Variants in SLC9A4 observed in about 807,000 individuals in gnomAD.
SLC9A4 encodes sodium/hydrogen exchanger 4.
A neutral mutation model predicts 67.4 loss-of-function variants in SLC9A4; 63 were observed. The observed-to-expected ratio is 0.93, with a 90% CI of 0.76 to 1.15. SLC9A4 has a LOEUF of 1.15. Among genes scored for constraint, SLC9A4 ranks in the 50% most tolerant of loss-of-function variants. The pLI is 0.00. For synonymous variants in SLC9A4, 393 were observed against 367.2 expected (o/e 1.07, Z -0.80); for missense variants, 1,089 against 987.7 (o/e 1.10, Z -1.38).
At position 102,478,871 on chromosome 2, in the gene SLC9A4, A is replaced by G. The variant is rs1225545868; in HGVS notation, c.289A>G (p.Met97Val). ...FHLYHRLPGL[M>V]PESCLLILVG... ...CCTCTACCACAGGCTGCCAGGCCTCATGCCAGAAAGCTGCCTCCTCATCCT... is the reference window on the plus strand; with the variant it reads ...CCTCTACCACAGGCTGCCAGGCCTCGTGCCAGAAAGCTGCCTCCTCATCCT... Residue 97 changes from methionine to valine, a missense_variant, in exon 2 of 12, where the codon ATG (methionine) becomes GTG (valine). Physicochemically the swap from Met to Val is conservative, Grantham distance 21. Transcript: ENST00000295269. 6 of 1,614,036 alleles carry G rather than the reference A, an allele frequency of 3.7e-6. No homozygotes were observed. Among genetic ancestry groups the G allele is most frequent in the Non-Finnish European group, 4.2e-6 (5 of 1,180,016 alleles).
At chr2:102,530,493 C>T (rs766857605) in intron 11 of SLC9A4, among the ~76,000 whole-genome samples, 8 of 152,170 alleles carry the variant, frequency 5.3e-5, no homozygotes, top group South Asian at 4.1e-4. Context: ...AGCTCTCAGC[C>T]GAGTGAAACT....
intron 2 of SLC9A4, among the ~76,000 whole-genome samples, chr2:102,480,772 T>G (rs374149203): frequency 4.6e-5 from 7 of 152,118 alleles, no homozygotes; most frequent in Admixed American, 4.6e-4. Flanking sequence ...CACTCTAAGG[T>G]TATAGATGGC....
At chr2:102,475,050 C>T (rs375492364) in intron 1 of SLC9A4, among the ~76,000 whole-genome samples, 16 of 152,262 alleles carry the variant, frequency 1.1e-4, no homozygotes, top group African/African-American at 3.6e-4. Flanking sequence ...TTAGACTCTC[C>T]TTTATAGTTG....
intron 2 of SLC9A4, among the ~76,000 whole-genome samples, chr2:102,488,518 A>C (rs1479269466): frequency 6.6e-6 from 1 of 150,448 alleles, no homozygotes; most frequent in Non-Finnish European, 1.5e-5. Context: ...AATACCACTG[A>C]GAAAGCTGAG....
chr2:102,526,229 C>T, intron 10 of SLC9A4, 30 bp from the exon 11 acceptor site: 1 of 1,606,098 alleles, frequency 6.2e-7, no homozygotes, highest in Non-Finnish European at 8.5e-7. Context: ...ACAGCTTATT[C>T]TGCTTTTTCT....
At chr2:102,488,708 C>G (rs1224110160) in intron 2 of SLC9A4, among the ~76,000 whole-genome samples, 1 of 151,996 alleles carries the variant, frequency 6.6e-6, no homozygotes, top group Non-Finnish European at 1.5e-5. Flanking sequence ...ACCACCACGC[C>G]CGGCTAATTT....
intron 1 of SLC9A4, among the ~76,000 whole-genome samples, chr2:102,478,178 C>A (rs1218627927): frequency 6.6e-6 from 1 of 152,138 alleles, no homozygotes; most frequent in Non-Finnish European, 1.5e-5. Flanking sequence ...ACAATGCAAT[C>A]ATTAAGATGA....
rs775373011 is a variant in SLC9A4 at position 102,514,118 on chromosome 2, C to T, written c.1588C>T (p.Arg530Trp). 24 of 1,613,028 alleles carry T rather than the reference C, an allele frequency of 1.5e-5. No homozygotes were observed. Among genetic ancestry groups the T allele is most frequent in the African/African-American group, 5.3e-5 (4 of 74,968 alleles). Residue 530 changes from arginine (R) to tryptophan (W), a missense_variant, in exon 8 of 12, where the codon CGG becomes TGG. Arg to Trp is a moderately radical substitution (Grantham distance 101). Transcript: ENST00000295269. ...TAAGAAGTTTGATCATAGATACTTA[C>T]GGAAAATCCTCATCAGAAAGAACCT... ...KFKKFDHRYL[R>W]KILIRKNLPK...
At chr2:102,501,598 C>T (rs993665213) in intron 2 of SLC9A4, among the ~76,000 whole-genome samples, 6 of 151,930 alleles carry the variant, frequency 3.9e-5, no homozygotes, top group Non-Finnish European at 7.4e-5. Flanking sequence ...CAGCAGAGGT[C>T]GGGCTTACAG....
Position 102,473,491 on chromosome 2 carries a change from C to A in SLC9A4, c.-269C>A. 1 of 450,766 alleles carries A rather than the reference C, an allele frequency of 2.2e-6. No individual in the cohort carries two copies. Among genetic ancestry groups the A allele is most frequent in the Non-Finnish European group, 4.0e-6 (1 of 252,762 alleles). The allele number at this position is 450,766 out of a possible 1,614,324, so 27.9% of individuals were successfully genotyped here. A position where few individuals can be genotyped will look rare whatever the true frequency, so the allele number is the denominator to read the frequency against. On this transcript the variant is annotated 5_prime_UTR_variant, in exon 1 of 12. Coordinates refer to ENST00000295269, the MANE Select transcript of SLC9A4 (RefSeq NM_001011552.4). Reference sequence around the variant, plus strand: ...AAGCCATGATTGGATGGAGGTCCTCCAGGTAGCTCCATGGACTTTAACAAG... The same window carrying A: ...AAGCCATGATTGGATGGAGGTCCTCAAGGTAGCTCCATGGACTTTAACAAG...
At chr2:102,528,462 C>T (rs1421817984) in intron 11 of SLC9A4, among the ~76,000 whole-genome samples, 3 of 151,774 alleles carry the variant, frequency 2.0e-5, no homozygotes, top group African/African-American at 4.8e-5. Context: ...GACAGGGTCT[C>T]CCTATGTTGC....
At chr2:102,476,931 C>A (rs1573323575) in intron 1 of SLC9A4, among the ~76,000 whole-genome samples, 1 of 152,288 alleles carries the variant, frequency 6.6e-6, no homozygotes, top group Admixed American at 6.5e-5. Flanking sequence ...CTTACACCAA[C>A]CCTGAAGCCA....
chr2:102,503,403 G>A (rs1213910344), intron 2 of SLC9A4, 45 bp from the exon 3 acceptor site: 30 of 1,486,306 alleles, frequency 2.0e-5, no homozygotes, highest in Non-Finnish European at 2.4e-5. Flanking sequence ...AGTGTTCCTA[G>A]TTTCTATTCA....
chr2:102,478,535 C>A (rs994460906), intron 1 of SLC9A4, among the ~76,000 whole-genome samples: 8 of 152,326 alleles, frequency 5.3e-5, no homozygotes, highest in African/African-American at 1.9e-4. Flanking sequence ...AAAAGTTTCA[C>A]CCTCGTTTCT....
intron 8 of SLC9A4, 21 bp from the exon 9 acceptor site, chr2:102,519,838 C>CT (rs1685362004): frequency 1.2e-6 from 2 of 1,610,790 alleles, no homozygotes; most frequent in Non-Finnish European, 1.7e-6. Context: ...ATGTTTGTCT[C>CT]TTCTCCAATA....
intron 2 of SLC9A4, among the ~76,000 whole-genome samples, chr2:102,485,504 G>A (rs918741559): frequency 6.6e-6 from 1 of 152,216 alleles, no homozygotes; most frequent in African/African-American, 2.4e-5. Flanking sequence ...CTTCTCATCT[G>A]TCTGTCCCTG....
Position 102,505,455 on chromosome 2 carries a change from A to G in SLC9A4, c.1182A>G (p.Gln394=), listed in dbSNP as rs1191929117. 1 of 1,613,914 alleles carries G rather than the reference A, an allele frequency of 6.2e-7. No individual in the cohort carries two copies. The highest frequency in any genetic ancestry group is 1.3e-5 in the African/African-American group (1 of 74,936). The change falls in exon 4 of 12, where the codon CAA becomes CAG. Residue 394 remains glutamine (Q), a synonymous_variant. Coordinates refer to ENST00000295269, the MANE Select transcript of SLC9A4 (RefSeq NM_001011552.4). ...AFICFTLAFC[Q]IWRAISVFAL... ...TCTGCTTCACCCTGGCCTTCTGCCA[A>G]ATCTGGAGAGCCATCAGTAAGAGAC...
At chr2:102,518,501 A>G (rs183668753) in intron 8 of SLC9A4, among the ~76,000 whole-genome samples, 1 of 152,288 alleles carries the variant, frequency 6.6e-6, no homozygotes, top group East Asian at 1.9e-4. Flanking sequence ...CAAGGGTGGT[A>G]ACTGTATATC....
intron 2 of SLC9A4, among the ~76,000 whole-genome samples, chr2:102,501,756 C>A: frequency 6.6e-6 from 1 of 151,758 alleles, no homozygotes; most frequent in South Asian, 2.1e-4. Context: ...ACCCAGAACC[C>A]AAGGGCTGTC....
Sources: gnomAD v4.1 joint callset for allele counts (sites outside exome capture counted in the v4.1 genomes callset) on GRCh38, gnomAD v4.1.1 for gene constraint, MANE v1.5 for transcripts, NCBI Gene and HGNC (gene_info 2026-07-23, HGNC 2026-07-21) for gene names.